The following UNKL variants were observed in gnomAD, a reference collection of about 807,000 sequenced individuals.
UNKL encodes the protein unk like zinc finger, also known as putative E3 ubiquitin-protein ligase UNKL.
A neutral mutation model predicts 78.0 loss-of-function variants in UNKL; 60 were observed. That is an observed-to-expected ratio of 0.77 (90% CI 0.63 to 0.95). UNKL has a LOEUF of 0.95. Among genes scored for constraint, UNKL ranks in the 40% least tolerant of loss-of-function variants. The pLI is 0.00. For synonymous variants in UNKL, 608 were observed against 474.8 expected (o/e 1.28, Z -3.65); for missense variants, 1,159 against 1,045.7 (o/e 1.11, Z -1.49).
rs761430203 is a variant in UNKL, at chr16:1,366,430, CCCTGCCCAGG to C, written c.2047-45_2047-36del. On this transcript the variant is annotated intron_variant, in intron 14 of 14. Coordinates refer to ENST00000389221, the MANE Select transcript of UNKL (RefSeq NM_001372107.1). ...CAGAACAATGACGGGCTCAGGAGGC[CCCTGCCCAGG>C]CTGGGCCAGCTGGGGAGCCGGAGGG... 1.6e-5 allele frequency: 25 copies of C among 1,538,322 alleles called. 1 individual carries two copies. The South Asian group carries it at 2.9e-4, about 18-fold the overall frequency.
At chr16:1,402,225 G>A (rs941862759) in intron 3 of UNKL, among the ~76,000 whole-genome samples, 1 of 148,284 alleles carries the variant, frequency 6.7e-6, no homozygotes, top group Non-Finnish European at 1.5e-5. Flanking sequence ...GAGAAGAGCT[G>A]AAGGACTGTC....
chr16:1,396,064 T>A (rs1305811814), intron 6 of UNKL, among the ~76,000 whole-genome samples: 2 of 151,852 alleles, frequency 1.3e-5, no homozygotes, highest in African/African-American at 4.8e-5. Context: ...CGCCTCAGCC[T>A]CCAAGTAGCT....
Position 1,367,672 on chromosome 16 carries a change from C to G in UNKL, c.1772G>C (p.Trp591Ser). 1.9e-6 allele frequency: 3 copies of G among 1,574,696 alleles called. No homozygotes were observed. The highest frequency in any genetic ancestry group is 1.7e-4 in the Middle Eastern group (1 of 6,024). The stretch of plus-strand genomic sequence containing the variant: ...CACACTCACCTGCTTCACCTGCTGC[C>G]AGGACTCCTCCCACTGCCGGATCTT... The part of the protein sequence containing the change: ...KRKIRQWEES[W>S]QQVKQVCDAW... The change falls in exon 13 of 15, where the codon TGG becomes TCG. Residue 591 changes from tryptophan (W) to serine (S), a missense_variant. Transcript: ENST00000389221.
rs924596514 is a variant in UNKL, at chr16:1,370,233, T to G, written c.1482A>C (p.Pro494=). 2 of 1,530,694 alleles carry G rather than the reference T, an allele frequency of 1.3e-6. No individual in the cohort carries two copies. Among genetic ancestry groups the G allele is most frequent in the African/African-American group, 2.8e-5 (2 of 72,692 alleles). 94.8% of individuals were successfully genotyped at this position (1,530,694 alleles called of 1,614,324 possible). A position where few individuals can be genotyped will look rare whatever the true frequency, so the allele number is the denominator to read the frequency against. Reference sequence around the variant, plus strand: ...TCATGGCTGAGGAGCCCACCGGCCCTGGGAGGGGCTGGGACAGCGAACCGA... The same window carrying G: ...TCATGGCTGAGGAGCCCACCGGCCCGGGGAGGGGCTGGGACAGCGAACCGA... ...SPLGSLSQPL[P]GPVGSSAMTP... The change falls in exon 12 of 15, where the codon CCA becomes CCC. Residue 494 remains proline, a synonymous_variant. Coordinates refer to ENST00000389221, the MANE Select transcript of UNKL (RefSeq NM_001372107.1).
At chr16:1,404,132 C>T (rs904627190) in intron 2 of UNKL, among the ~76,000 whole-genome samples, 1 of 144,096 alleles carries the variant, frequency 6.9e-6, no homozygotes, top group Non-Finnish European at 1.6e-5. Flanking sequence ...GGCAAAGGGA[C>T]GCACAGAGGA....
chr16:1,414,696 A>G lies in UNKL; in HGVS notation c.-5T>C, dbSNP rs369989646. On this transcript the variant is annotated 5_prime_UTR_variant, in exon 1 of 15. Coordinates refer to ENST00000389221, the MANE Select transcript of UNKL (RefSeq NM_001372107.1). ...CGCTTTCGAAACCGACGGCATTTTCAGTCAAAACAATGCAGCGCGCATGCG... is the reference window on the plus strand; with the variant it reads ...CGCTTTCGAAACCGACGGCATTTTCGGTCAAAACAATGCAGCGCGCATGCG... The G allele has an allele frequency of 7.8e-5, 88 of 1,135,380 alleles. No homozygotes were observed. Among genetic ancestry groups the G allele is most frequent in the Middle Eastern group, 7.6e-4 (2 of 2,620 alleles). The allele number at this position is 1,135,380 out of a possible 1,614,324, so 70.3% of individuals were successfully genotyped here.
intron 9 of UNKL, among the ~76,000 whole-genome samples, chr16:1,388,902 GAAATAT>G (rs1428223332): frequency 2.0e-5 from 3 of 152,112 alleles, no homozygotes; most frequent in African/African-American, 7.3e-5. Context: ...GTATTATAGT[GAAATAT>G]AATATAAAAT....
chr16:1,369,785 G>T, intron 12 of UNKL: 1 of 710,974 alleles, frequency 1.4e-6, no homozygotes, highest in Non-Finnish European at 2.3e-6. Flanking sequence ...GACCGGCCCG[G>T]CCAGCGTGAT....
At chr16:1,395,217 G>T (rs1369285957) in intron 6 of UNKL, among the ~76,000 whole-genome samples, 1 of 149,016 alleles carries the variant, frequency 6.7e-6, no homozygotes, top group Non-Finnish European at 1.5e-5. Context: ...GCCCAGGCTG[G>T]AGTACAATGG....
chr16:1,384,492 G>A (rs1322532492), intron 10 of UNKL, among the ~76,000 whole-genome samples: 1 of 151,926 alleles, frequency 6.6e-6, no homozygotes, highest in Non-Finnish European at 1.5e-5. Flanking sequence ...GCCTCCCAAA[G>A]CTGCCAGCCC....
At position 1,414,654 on chromosome 16, in the gene UNKL, C is replaced by G. The variant is rs1255826844; in HGVS notation, c.38G>C (p.Ser13Thr). The G allele has an allele frequency of 8.7e-7, 1 of 1,148,348 alleles. No homozygotes were observed. The highest frequency in any genetic ancestry group is 1.1e-6 in the Non-Finnish European group (1 of 922,692). 71.1% of individuals were successfully genotyped at this position (1,148,348 alleles called of 1,614,324 possible). Residue 13 changes from serine to threonine, a missense_variant, in exon 1 of 15, where the codon AGC becomes ACC. Ser to Thr is a moderately conservative substitution (Grantham distance 58, BLOSUM62 1). Coordinates refer to ENST00000389221, the MANE Select transcript of UNKL (RefSeq NM_001372107.1). Reference sequence around the variant, plus strand: ...CTTCTCAGTCTGCGGGGGGGACCCGCTCAGCGCCGCTGCCGCCGCTTTCGA... The same window carrying G: ...CTTCTCAGTCTGCGGGGGGGACCCGGTCAGCGCCGCTGCCGCCGCTTTCGA... The part of the protein sequence containing the change: ...SVSKAAAAAL[S>T]GSPPQTEKPT...
At chr16:1,382,774 G>T (rs547270415) in intron 10 of UNKL, among the ~76,000 whole-genome samples, 1 of 151,854 alleles carries the variant, frequency 6.6e-6, no homozygotes, top group Non-Finnish European at 1.5e-5. Context: ...CCTGGCCAAC[G>T]TGGTGAAACC....
At chr16:1,401,527 G>GA in intron 4 of UNKL, 41 bp downstream of exon 4, 1 of 1,404,772 alleles carries the variant, frequency 7.1e-7, no homozygotes, top group South Asian at 1.4e-5. Flanking sequence ...CGCTGTGCCC[G>GA]CCCCCCCCAC....
intron 9 of UNKL, 133 bp downstream of exon 9, chr16:1,390,499 A>G (rs1325601092): frequency 9.9e-6 from 9 of 906,250 alleles, no homozygotes; most frequent in Non-Finnish European, 1.5e-5. Context: ...TGGCTTTGCG[A>G]GCCGAGAGTG....
chr16:1,370,024 A>G (rs1241558422), intron 12 of UNKL, 106 bp downstream of exon 12: 3 of 1,551,106 alleles, frequency 1.9e-6, no homozygotes, highest in African/African-American at 2.7e-5. Flanking sequence ...GCCACCACAG[A>G]TAGGGCACAA....
intron 12 of UNKL, 24 bp from the exon 13 acceptor site, chr16:1,367,882 G>C (rs748307761): frequency 6.5e-7 from 1 of 1,537,190 alleles, no homozygotes; most frequent in East Asian, 2.4e-5. Context: ...GGTCGATGAC[G>C]GCCCAGCCCT....
rs908618557 is a variant in UNKL at position 1,379,782 on chromosome 16, C to A, written c.1264+5426G>T. The A allele has an allele frequency of 7.6e-5, 64 of 844,194 alleles. No individual in the cohort carries two copies. In the South Asian group the frequency reaches 3.0e-3, roughly 40 times the overall value. The allele number at this position is 844,194 out of a possible 1,614,324, so 52.3% of individuals were successfully genotyped here. A position where few individuals can be genotyped will look rare whatever the true frequency, so the allele number is the denominator to read the frequency against. The stretch of plus-strand genomic sequence containing the variant: ...GCCACGCCCCCCGCGCTGCCCTCCC[C>A]CAACCTTCCCCCCGACTCGGGCGCA... On this transcript the variant is annotated intron_variant, in intron 10 of 14. Coordinates refer to ENST00000389221, the MANE Select transcript of UNKL (RefSeq NM_001372107.1).
chr16:1,399,032 A>G lies in UNKL; in HGVS notation c.734+342T>C. Reference sequence around the variant, plus strand: ...ACAGCATGCAGCCCACAGGCTGGAGAGCGTGGCTGCAACCAGAGGCACGGG... The same window carrying G: ...ACAGCATGCAGCCCACAGGCTGGAGGGCGTGGCTGCAACCAGAGGCACGGG... On this transcript the variant is annotated intron_variant, in intron 5 of 14. Coordinates refer to ENST00000389221, the MANE Select transcript of UNKL (RefSeq NM_001372107.1). This position sits in a 1 kb window ranked among gnomAD's most constrained non-coding sequence, Gnocchi z 5.8. 1 of 1,438,010 alleles carries G rather than the reference A, an allele frequency of 7.0e-7. No homozygotes were observed. The allele number at this position is 1,438,010 out of a possible 1,614,324, so 89.1% of individuals were successfully genotyped here.
chr16:1,379,559 G>A (rs995425820), intron 10 of UNKL: 1 of 985,198 alleles, frequency 1.0e-6, no homozygotes, highest in Non-Finnish European at 1.2e-6. Flanking sequence ...CTAAGGGAGG[G>A]CCCGCTCCTG....
Sources: allele counts gnomAD v4.1 joint callset (sites outside exome capture counted in the v4.1 genomes callset), GRCh38; gene constraint gnomAD v4.1.1; non-coding constraint Gnocchi (gnomAD v3.1); transcripts MANE v1.5; gene names NCBI Gene and HGNC (gene_info 2026-07-23, HGNC 2026-07-21).